Variants in CCDC38 observed in about 807,000 individuals in gnomAD.
CCDC38 encodes the protein coiled-coil domain-containing protein 38.
CCDC38 carries 69 observed loss-of-function variants against 72.8 expected under a neutral mutation model. The ratio of observed to expected loss-of-function variants is 0.95; its 90% confidence interval spans 0.78 to 1.16. The LOEUF is 1.16. Among genes scored for constraint, CCDC38 ranks in the 50% most tolerant of loss-of-function variants. The probability of loss-of-function intolerance (pLI) is 0.00; values close to 1 mark genes in which losing one functional copy is unlikely to be tolerated. For synonymous variants in CCDC38, 201 were observed against 213.2 expected (o/e 0.94, Z 0.50); for missense variants, 626 against 638.9 (o/e 0.98, Z 0.22).
intron 5 of CCDC38, among the ~76,000 whole-genome samples, chr12:95,904,027 G>GT (rs34231253): frequency 0.14 from 21,786 of 151,860 alleles, 1,757 homozygotes; most frequent in South Asian, 0.28. Flanking sequence ...TTTGTGAGAA[G>GT]TTTTTTACCT....
At chr12:95,876,803 CT>C (rs1299206014) in intron 13 of CCDC38, among the ~76,000 whole-genome samples, 1 of 152,148 alleles carries the variant, frequency 6.6e-6, no homozygotes, top group African/African-American at 2.4e-5. Flanking sequence ...AGTTCTACTT[CT>C]GTTTGAAAAT....
intron 4 of CCDC38, among the ~76,000 whole-genome samples, chr12:95,909,833 A>T (rs1263051923): frequency 6.6e-6 from 1 of 152,204 alleles, no homozygotes; most frequent in Non-Finnish European, 1.5e-5. Flanking sequence ...CAGAAAAAGC[A>T]TTCAATAAAA....
intron 10 of CCDC38, among the ~76,000 whole-genome samples, chr12:95,884,640 G>C (rs1017886100): frequency 6.6e-6 from 1 of 152,334 alleles, no homozygotes; most frequent in East Asian, 1.9e-4. Flanking sequence ...TGTTCTCTCT[G>C]AGAGCTCCAG....
At chr12:95,942,755 G>A (rs79175383), upstream of CCDC38, 30,108 of 152,264 alleles carry the variant, frequency 0.2, 3,698 homozygotes, top group East Asian at 0.45. Context: ...TTTCCTCCAC[G>A]CAGTACCCTC....
In CCDC38 at chr12:95,890,825, C is replaced by T. The variant is rs1321079960; in HGVS notation, c.871+7G>A. 2 of 1,566,660 alleles carry T rather than the reference C, an allele frequency of 1.3e-6. No individual in the cohort carries two copies. Among genetic ancestry groups the T allele is most frequent in the South Asian group, 2.3e-5 (2 of 88,424 alleles). On this transcript the variant is annotated splice_region_variant and intron_variant, in intron 9 of 15. Transcript: ENST00000344280. ...TTTACTTTCATGAGTCCCAAATCTACCTTTACCTTGGCTGTCTCTTCCCTG... is the reference window on the plus strand; with the variant it reads ...TTTACTTTCATGAGTCCCAAATCTATCTTTACCTTGGCTGTCTCTTCCCTG...
At chr12:95,868,699 A>G (rs1189181592) in intron 15 of CCDC38, among the ~76,000 whole-genome samples, 1 of 152,206 alleles carries the variant, frequency 6.6e-6, no homozygotes, top group African/African-American at 2.4e-5. Flanking sequence ...AACATATTTC[A>G]GATGCTATCC....
chr12:95,936,441 A>G (rs759003391), intron 2 of CCDC38, 32 bp downstream of exon 2: 2 of 1,607,406 alleles, frequency 1.2e-6, no homozygotes, highest in Non-Finnish European at 1.7e-6. Flanking sequence ...TGCCAGGCCC[A>G]AACAAGAATA....
intron 4 of CCDC38, among the ~76,000 whole-genome samples, chr12:95,914,497 A>G (rs909191787): frequency 2.6e-5 from 4 of 152,178 alleles, no homozygotes; most frequent in African/African-American, 9.7e-5. Context: ...CCGTCACTGG[A>G]GTATTTCAAA....
intron 1 of CCDC38, among the ~76,000 whole-genome samples, chr12:95,937,654 A>T (rs906904191): frequency 3.3e-5 from 5 of 152,190 alleles, no homozygotes; most frequent in African/African-American, 1.2e-4. Flanking sequence ...CAGGAATCTC[A>T]AAGAGCCATA....
chr12:95,921,208 T>A (rs1449151204), intron 2 of CCDC38, among the ~76,000 whole-genome samples: 1 of 152,188 alleles, frequency 6.6e-6, no homozygotes, highest in Admixed American at 6.5e-5. Context: ...CTTTATAACA[T>A]TTGATATGAC....
intron 2 of CCDC38, among the ~76,000 whole-genome samples, chr12:95,936,089 A>G (rs1023853262): frequency 6.6e-6 from 1 of 152,106 alleles, no homozygotes; most frequent in African/African-American, 2.4e-5. Flanking sequence ...AAAAAAAGTA[A>G]TTAATTAAAT....
chr12:95,908,179 A>G (rs1292581915), intron 4 of CCDC38, among the ~76,000 whole-genome samples: 2 of 151,802 alleles, frequency 1.3e-5, no homozygotes, highest in Non-Finnish European at 2.9e-5. Flanking sequence ...ACCATTGAGC[A>G]CTGAGTGAAG....
At chr12:95,922,674 G>T (rs1419994265) in intron 2 of CCDC38, among the ~76,000 whole-genome samples, 3 of 152,134 alleles carry the variant, frequency 2.0e-5, no homozygotes, top group African/African-American at 7.2e-5. Flanking sequence ...GCCCTGTGAG[G>T]CTGAAATATG....
intron 2 of CCDC38, among the ~76,000 whole-genome samples, chr12:95,922,278 T>G (rs1423910128): frequency 6.6e-6 from 1 of 152,178 alleles, no homozygotes; most frequent in Non-Finnish European, 1.5e-5. Flanking sequence ...TACTACGAGA[T>G]AGCTGAACAC....
At chr12:95,939,584 T>C (rs1308070194) in intron 1 of CCDC38, among the ~76,000 whole-genome samples, 1 of 151,956 alleles carries the variant, frequency 6.6e-6, no homozygotes, top group Non-Finnish European at 1.5e-5. Context: ...GAGTATGAGA[T>C]AAAGAACTGA....
rs2080395084 is a variant in CCDC38 at position 95,936,460 on chromosome 12, G to GTC, written c.37+12_37+13insGA. On this transcript the variant is annotated intron_variant, in intron 2 of 15. Transcript: ENST00000344280. ...AGGCCCAAACAAGAATATATTGATT[G>GTC]ATTTCTTTTTACCTCCAGAATTCAG... 6.2e-7 allele frequency: 1 copy of GTC among 1,611,786 alleles called. No individual in the cohort carries two copies. The highest frequency in any genetic ancestry group is 1.7e-5 in the Admixed American group (1 of 59,860).
At chr12:95,922,278 T>C (rs1423910128) in intron 2 of CCDC38, among the ~76,000 whole-genome samples, 1 of 152,178 alleles carries the variant, frequency 6.6e-6, no homozygotes, top group African/African-American at 2.4e-5. Flanking sequence ...TACTACGAGA[T>C]AGCTGAACAC....
At chr12:95,910,302 T>TACACAC (rs141853582) in intron 4 of CCDC38, among the ~76,000 whole-genome samples, 6,017 of 148,350 alleles carry the variant, frequency 0.041, 136 homozygotes, top group Non-Finnish European at 0.053. Context: ...CCATTTACAT[T>TACACAC]ACACACACAC....
chr12:95,890,318 G>A (rs1255354086), intron 9 of CCDC38, among the ~76,000 whole-genome samples: 1 of 152,244 alleles, frequency 6.6e-6, no homozygotes, highest in African/African-American at 2.4e-5. Flanking sequence ...AACTTGTGAT[G>A]CAGAGTGGGA....
Sources: gnomAD v4.1 joint callset for allele counts (sites outside exome capture counted in the v4.1 genomes callset) on GRCh38, gnomAD v4.1.1 for gene constraint, MANE v1.5 for transcripts, NCBI Gene and HGNC (gene_info 2026-07-23, HGNC 2026-07-21) for gene names.